Variants in PAPPA2 observed in about 807,000 individuals in gnomAD.
PAPPA2 encodes pappalysin 2.
In PAPPA2, 86 loss-of-function variants were observed where a neutral mutation model predicts 176.4. That is an observed-to-expected ratio of 0.49 (90% CI 0.41 to 0.58). The LOEUF (loss-of-function observed/expected upper bound fraction) is 0.58, where lower values mean the gene tolerates loss of function less well. Ranked by LOEUF, PAPPA2 falls within the 20% of genes least tolerant of loss-of-function variation. The pLI is 0.00. For missense variants in PAPPA2, 2,073 were observed against 2,256.9 expected (o/e 0.92, Z 1.65); for synonymous variants, 809 against 852.2 (o/e 0.95, Z 0.88).
intron 1 of PAPPA2, among the ~76,000 whole-genome samples, chr1:176,475,859 G>A (rs942007122): frequency 3.9e-5 from 6 of 152,158 alleles, no homozygotes; most frequent in Non-Finnish European, 8.8e-5. Flanking sequence ...GTGGTGAAAT[G>A]TTAGAGGGAA....
intron 3 of PAPPA2, among the ~76,000 whole-genome samples, chr1:176,618,297 T>C (rs992061957): frequency 2.0e-5 from 3 of 152,178 alleles, no homozygotes; most frequent in African/African-American, 7.2e-5. Context: ...AAAACAGTTT[T>C]CCCAGATGTG....
At chr1:176,544,222 G>A (rs554574762) in intron 1 of PAPPA2, among the ~76,000 whole-genome samples, 1 of 152,314 alleles carries the variant, frequency 6.6e-6, no homozygotes. Flanking sequence ...GTTGTTTGCA[G>A]TCTGTAATAG....
At position 176,515,173 on chromosome 1, in the gene PAPPA2, G is replaced by A. The variant is rs971603533; in HGVS notation, c.-916-40234G>A. On this transcript the variant is annotated intron_variant, in intron 1 of 22. Transcript: ENST00000367662. ...CACTGAGTGCAATATTTGGCACTTG[G>A]AAAGTCTTCAATAACTGTTAGCAAA... Among the ~76,000 whole-genome samples the A allele has an allele frequency of 3.3e-5, 5 of 152,298 alleles. 1 individual carries two copies. The highest frequency in any genetic ancestry group is 2.4e-5 in the African/African-American group (1 of 41,556).
intron 21 of PAPPA2, among the ~76,000 whole-genome samples, chr1:176,807,518 AAG>A (rs1665957690): frequency 6.7e-6 from 1 of 149,952 alleles, no homozygotes; most frequent in Admixed American, 6.6e-5. Flanking sequence ...TTTTTTGAGA[AAG>A]AGCCTCACTC....
chr1:176,670,859 A>G, intron 3 of PAPPA2, 111 bp from the exon 4 acceptor site: 3 of 1,404,778 alleles, frequency 2.1e-6, no homozygotes, highest in East Asian at 2.3e-5. Flanking sequence ...ATGCCCCTCC[A>G]AAAGGTAATG....
chr1:176,501,019 T>A (rs1349957865), intron 1 of PAPPA2, among the ~76,000 whole-genome samples: 1 of 150,276 alleles, frequency 6.7e-6, no homozygotes, highest in Admixed American at 6.7e-5. Flanking sequence ...TAAAATATGT[T>A]TTATTTTATA....
intron 1 of PAPPA2, among the ~76,000 whole-genome samples, chr1:176,529,632 C>CCA (rs1487328185): frequency 2.0e-5 from 3 of 152,194 alleles, no homozygotes; most frequent in Admixed American, 6.5e-5. Flanking sequence ...CCTTCCCTTG[C>CCA]CACACACACA....
Position 176,793,643 on chromosome 1 carries a change from C to A in PAPPA2, c.5104C>A (p.His1702Asn). ...GAATATCACTGCTGACACTCTGGAG[C>A]ACTGGATGGAACCTGTCAAAGTCCA... ...PENITADTLE[H>N]WMEPVKVQSI... The change falls in exon 20 of 23, where the codon CAC (histidine) becomes AAC (asparagine). Residue 1702 changes from histidine to asparagine, a missense_variant. Physicochemically the swap from His to Asn is moderately conservative, Grantham distance 68. Coordinates refer to ENST00000367662, the MANE Select transcript of PAPPA2 (RefSeq NM_020318.3). The A allele has an allele frequency of 6.2e-7, 1 of 1,611,878 alleles. No individual in the cohort carries two copies. The highest frequency in any genetic ancestry group is 2.2e-5 in the East Asian group (1 of 44,848).
At chr1:176,800,399 T>G (rs1169385590) in intron 21 of PAPPA2, among the ~76,000 whole-genome samples, 2 of 152,264 alleles carry the variant, frequency 1.3e-5, no homozygotes, top group South Asian at 2.1e-4. Context: ...TTATTTATGG[T>G]TTTGGGATTC....
chr1:176,664,551 C>A (rs1013451793), intron 3 of PAPPA2, among the ~76,000 whole-genome samples: 9 of 152,180 alleles, frequency 5.9e-5, no homozygotes, highest in African/African-American at 2.2e-4. Flanking sequence ...TTAGTCAAAT[C>A]TAAACAGTCC....
intron 8 of PAPPA2, among the ~76,000 whole-genome samples, chr1:176,701,262 G>C (rs1279767031): frequency 6.6e-6 from 1 of 152,134 alleles, no homozygotes; most frequent in Non-Finnish European, 1.5e-5. Flanking sequence ...GGAGGGCTTG[G>C]GCTACCTGCC....
chr1:176,789,192 C>T (rs1266697863), intron 17 of PAPPA2, among the ~76,000 whole-genome samples: 1 of 152,122 alleles, frequency 6.6e-6, no homozygotes, highest in African/African-American at 2.4e-5. Context: ...AAATGTGGCA[C>T]ATATACACAC....
chr1:176,699,114 G>A lies in PAPPA2; in HGVS notation c.2761G>A (p.Asp921Asn). The A allele has an allele frequency of 6.2e-7, 1 of 1,612,836 alleles. No homozygotes were observed. The change falls in exon 8 of 23, where the codon GAT (aspartate) becomes AAT (asparagine). Residue 921 changes from aspartate (D) to asparagine (N), a missense_variant. Physicochemically the swap from Asp to Asn is conservative, Grantham distance 23 (BLOSUM62 1). Around this residue, in one of 4 missense-constraint regions of PAPPA2, gnomAD observed 1,196 missense variants for 1,330.4 expected, o/e 0.90. Transcript: ENST00000367662. ...PEEAVGPPDV[D>N]QPCEPSLQAW... Reference sequence around the variant, plus strand: ...TCTCCCCCCAGGGCCTCCTGATGTGGATCAGCCCTGCGAGCCAAGCTTACA... The same window carrying A: ...TCTCCCCCCAGGGCCTCCTGATGTGAATCAGCCCTGCGAGCCAAGCTTACA...
chr1:176,803,043 T>C (rs536378829), intron 21 of PAPPA2, among the ~76,000 whole-genome samples: 1 of 152,348 alleles, frequency 6.6e-6, no homozygotes, highest in African/African-American at 2.4e-5. Context: ...TCTATTTTTC[T>C]AGTTGTTGCT....
intron 2 of PAPPA2, among the ~76,000 whole-genome samples, chr1:176,573,005 A>C (rs554925676): frequency 5.6e-4 from 86 of 152,328 alleles, no homozygotes; most frequent in African/African-American, 2.0e-3. Context: ...CTGAGAAGAG[A>C]AACATCCGGG....
chr1:176,779,801 A>G (rs1235000304), intron 17 of PAPPA2, among the ~76,000 whole-genome samples: 1 of 152,202 alleles, frequency 6.6e-6, no homozygotes, highest in Non-Finnish European at 1.5e-5. Flanking sequence ...TCCTGATTCC[A>G]AAGCACCTGC....
chr1:176,480,159 T>A (rs1410623099), intron 1 of PAPPA2, among the ~76,000 whole-genome samples: 1 of 152,118 alleles, frequency 6.6e-6, no homozygotes, highest in Non-Finnish European at 1.5e-5. Flanking sequence ...TGTCCTGCAG[T>A]CCACACCTAC....
At chr1:176,666,602 TGTGTGTGAGAGA>T (rs1658661165) in intron 3 of PAPPA2, among the ~76,000 whole-genome samples, 1 of 119,630 alleles carries the variant, frequency 8.4e-6, no homozygotes, top group Non-Finnish European at 1.7e-5. Context: ...TGTGTGTGTG[TGTGTGTGAGAGA>T]GAGAGAGAGA....
intron 8 of PAPPA2, among the ~76,000 whole-genome samples, chr1:176,702,008 T>C (rs577918947): frequency 3.7e-4 from 56 of 152,296 alleles, no homozygotes; most frequent in African/African-American, 1.3e-3. Context: ...CTACACACTT[T>C]AATAGATTTG....
Sources: allele counts gnomAD v4.1 joint callset (sites outside exome capture counted in the v4.1 genomes callset), GRCh38; gene constraint gnomAD v4.1.1; regional missense constraint gnomAD v4.1.1; transcripts MANE v1.5; gene names NCBI Gene and HGNC (gene_info 2026-07-23, HGNC 2026-07-21).